Variants in THSD7A observed in about 807,000 individuals in gnomAD.
THSD7A encodes the protein thrombospondin type 1 domain containing 7A.
In THSD7A, 96 loss-of-function variants were observed where a neutral mutation model predicts 231.3. The observed-to-expected ratio is 0.41, with a 90% confidence interval of 0.35 to 0.49. The LOEUF (loss-of-function observed/expected upper bound fraction) is 0.49, where lower values mean the gene tolerates loss of function less well. Ranked by LOEUF, THSD7A falls within the 20% of genes least tolerant of loss-of-function variation. The probability of loss-of-function intolerance (pLI) is 0.05; values close to 1 mark genes in which losing one functional copy is unlikely to be tolerated. For synonymous variants in THSD7A, 940 were observed against 743.3 expected (o/e 1.26, Z -4.30); for missense variants, 2,290 against 2,070.2 (o/e 1.11, Z -2.06).
Position 11,462,007 on chromosome 7 carries a change from C to G in THSD7A, c.2501+4G>C. The G allele has an allele frequency of 6.2e-7, 1 of 1,613,098 alleles. No homozygotes were observed. The highest frequency in any genetic ancestry group is 8.5e-7 in the Non-Finnish European group (1 of 1,179,296). On this transcript the variant is annotated splice_donor_region_variant and intron_variant, in intron 10 of 27. Coordinates refer to ENST00000423059, the MANE Select transcript of THSD7A (RefSeq NM_015204.3). ...TCCCTCACGATGCATTTCTCTAACC[C>G]TACCTGTAGCTTTGGCACGCTTGAG...
intron 1 of THSD7A, among the ~76,000 whole-genome samples, chr7:11,708,624 C>T (rs960228167): frequency 2.0e-5 from 3 of 150,674 alleles, no homozygotes; most frequent in African/African-American, 7.3e-5. Flanking sequence ...AAATTCCATC[C>T]TAGCTCTGAA....
Position 11,593,443 on chromosome 7 carries a change from C to A in THSD7A, c.1082G>T (p.Cys361Phe), listed in dbSNP as rs558393471. ...CCACTCTGACCACTCGGAAACCTGG[C>A]ACTCTTTGGTGATCACACAGGACTG... is the stretch of plus-strand genomic sequence containing the variant. ...TFQSCVITKE[C>F]QVSEWSEWSP... Residue 361 changes from cysteine to phenylalanine, a missense_variant, in exon 3 of 28, where the codon TGC becomes TTC. Coordinates refer to ENST00000423059, the MANE Select transcript of THSD7A (RefSeq NM_015204.3). The A allele has an allele frequency of 1.2e-6, 2 of 1,614,030 alleles. No homozygotes were observed. The highest frequency in any genetic ancestry group is 1.3e-5 in the African/African-American group (1 of 75,054).
intron 4 of THSD7A, among the ~76,000 whole-genome samples, chr7:11,568,644 AAAAAAAAAAACC>A (rs1176199484): frequency 1.3e-4 from 18 of 141,618 alleles, no homozygotes; most frequent in Middle Eastern, 3.4e-3. Context: ...AAAAAAAAAA[AAAAAAAAAAACC>A]AAAATCTGGA....
intron 4 of THSD7A, among the ~76,000 whole-genome samples, chr7:11,567,479 CT>C (rs1790408354): frequency 1.3e-5 from 2 of 152,140 alleles, no homozygotes; most frequent in African/African-American, 4.8e-5. Flanking sequence ...GACACGAAGC[CT>C]AACCATATCA....
At chr7:11,472,316 G>A (rs1405793122) in intron 8 of THSD7A, among the ~76,000 whole-genome samples, 1 of 151,996 alleles carries the variant, frequency 6.6e-6, no homozygotes, top group Non-Finnish European at 1.5e-5. Flanking sequence ...GTTACCGGGA[G>A]GACAGATAAG....
At chr7:11,433,667 CT>C (rs1430143332) in intron 13 of THSD7A, among the ~76,000 whole-genome samples, 15 of 152,030 alleles carry the variant, frequency 9.9e-5, no homozygotes, top group African/African-American at 3.6e-4. Context: ...AACCTCTAGG[CT>C]TTTTTAGCTC....
chr7:11,573,408 C>G (rs1790735683), intron 4 of THSD7A, among the ~76,000 whole-genome samples: 1 of 152,154 alleles, frequency 6.6e-6, no homozygotes, highest in Non-Finnish European at 1.5e-5. Context: ...ACTTAGATTT[C>G]TGACTCCTTT....
intron 1 of THSD7A, among the ~76,000 whole-genome samples, chr7:11,746,827 G>A (rs6460839): frequency 6.6e-6 from 1 of 151,608 alleles, no homozygotes; most frequent in African/African-American, 2.4e-5. Flanking sequence ...GCGTTAAACT[G>A]TACCTCCTGG....
At chr7:11,815,776 T>G (rs1205152608) in intron 1 of THSD7A, among the ~76,000 whole-genome samples, 1 of 152,184 alleles carries the variant, frequency 6.6e-6, no homozygotes, top group Non-Finnish European at 1.5e-5. Flanking sequence ...TCCTAGATTC[T>G]ATGAATCAGA....
rs1393234512 is a variant in THSD7A at position 11,373,653 on chromosome 7, T to A, written c.*2141A>T. 6.6e-6 allele frequency: 1 copy of A among 152,042 alleles called. No individual in the cohort carries two copies. The highest frequency in any genetic ancestry group is 1.5e-5 in the Non-Finnish European group (1 of 67,970). The allele number at this position is 152,042 out of a possible 1,614,324, so 9.4% of individuals were successfully genotyped here. A position where few individuals can be genotyped will look rare whatever the true frequency, so the allele number is the denominator to read the frequency against. On this transcript the variant is annotated 3_prime_UTR_variant, in exon 28 of 28. Coordinates refer to ENST00000423059, the MANE Select transcript of THSD7A (RefSeq NM_015204.3). Reference sequence around the variant, plus strand: ...TGCATTTAGTTCTTATTGAAATACATACAAATATTTTCATTTTGGGGACAA... The same window carrying A: ...TGCATTTAGTTCTTATTGAAATACAAACAAATATTTTCATTTTGGGGACAA...
intron 2 of THSD7A, among the ~76,000 whole-genome samples, chr7:11,594,723 G>T (rs974654449): frequency 2.0e-5 from 3 of 152,198 alleles, no homozygotes; most frequent in Admixed American, 2.0e-4. Flanking sequence ...CAGATACTGA[G>T]CCTCAAATCT....
chr7:11,691,645 GAT>G (rs1780234072), intron 1 of THSD7A, among the ~76,000 whole-genome samples: 1 of 151,054 alleles, frequency 6.6e-6, no homozygotes, highest in African/African-American at 2.4e-5. Context: ...ACAATGTTAT[GAT>G]TTTCTATCTA....
chr7:11,406,595 C>T lies in THSD7A; in HGVS notation c.4063-121G>A, dbSNP rs1783590670. ...TGAACATTTAGAGAAGGATTTGAAA[C>T]CCTAGGGAAGAAGCCCTATAGGGCA... On this transcript the variant is annotated intron_variant, in intron 21 of 27. Transcript: ENST00000423059. The surrounding 1 kb of genome is among the most constrained non-coding windows in gnomAD (Gnocchi z 4.7). 8.6e-7 allele frequency: 1 copy of T among 1,156,966 alleles called. No homozygotes were observed. 71.7% of individuals were successfully genotyped at this position (1,156,966 alleles called of 1,614,324 possible).
At chr7:11,786,731 A>G (rs1783804096) in intron 1 of THSD7A, among the ~76,000 whole-genome samples, 2 of 150,118 alleles carry the variant, frequency 1.3e-5, no homozygotes, top group African/African-American at 4.9e-5. Context: ...ATGTGTGCAC[A>G]TGTACCCTAA....
intron 4 of THSD7A, among the ~76,000 whole-genome samples, chr7:11,579,212 G>T (rs185808873): frequency 6.6e-6 from 1 of 152,204 alleles, no homozygotes; most frequent in East Asian, 1.9e-4. Flanking sequence ...CTTTTAGAAG[G>T]AATAAATATT....
chr7:11,530,525 T>G (rs1788661146), intron 6 of THSD7A, among the ~76,000 whole-genome samples: 1 of 152,188 alleles, frequency 6.6e-6, no homozygotes, highest in Admixed American at 6.5e-5. Context: ...TACCCCATAG[T>G]AAGCAACCAT....
intron 1 of THSD7A, among the ~76,000 whole-genome samples, chr7:11,792,347 G>A (rs1483434966): frequency 6.6e-6 from 1 of 151,928 alleles, no homozygotes; most frequent in African/African-American, 2.4e-5. Flanking sequence ...TTTTCCTGCT[G>A]AAAAGTCCTT....
Position 11,831,615 on chromosome 7 carries a change from T to A in THSD7A, c.190+142A>T. The A allele has an allele frequency of 2.1e-6, 1 of 475,980 alleles. No homozygotes were observed. The highest frequency in any genetic ancestry group is 3.3e-6 in the Non-Finnish European group (1 of 305,776). The allele number at this position is 475,980 out of a possible 1,614,324, so 29.5% of individuals were successfully genotyped here. A position where few individuals can be genotyped will look rare whatever the true frequency, so the allele number is the denominator to read the frequency against. On this transcript the variant is annotated intron_variant, in intron 1 of 27. Transcript: ENST00000423059. This position sits in a 1 kb window ranked among gnomAD's most constrained non-coding sequence, Gnocchi z 5.0. Reference sequence around the variant, plus strand: ...TTGCATCGGACATGACCTATTTGCTTCCTAAGAAATCATACTTTTTACCTT... The same window carrying A: ...TTGCATCGGACATGACCTATTTGCTACCTAAGAAATCATACTTTTTACCTT...
chr7:11,801,540 C>A (rs1367238971), intron 1 of THSD7A, among the ~76,000 whole-genome samples: 2 of 152,080 alleles, frequency 1.3e-5, no homozygotes, highest in African/African-American at 4.8e-5. Flanking sequence ...AGTTCCAGAA[C>A]CCCTCAAAAT....
Sources: gnomAD v4.1 joint callset for allele counts (sites outside exome capture counted in the v4.1 genomes callset) on GRCh38, gnomAD v4.1.1 for gene constraint, Gnocchi (gnomAD v3.1) non-coding constraint, MANE v1.5 for transcripts, NCBI Gene and HGNC (gene_info 2026-07-23, HGNC 2026-07-21) for gene names.